Variants in CA10 observed in about 807,000 individuals in gnomAD.
CA10 encodes the protein carbonic anhydrase 10 (inactive).
In CA10, 14 loss-of-function variants were observed where a neutral mutation model predicts 44.2. That is an observed-to-expected ratio of 0.32 (90% CI 0.21 to 0.50). The LOEUF (loss-of-function observed/expected upper bound fraction) is 0.50. CA10 is among the 20% of genes least tolerant of loss of function. The pLI is 0.99. For synonymous variants in CA10, 159 were observed against 141.6 expected, an observed-to-expected ratio of 1.12 and a Z score of -0.87; for missense variants, 350 against 409.7, an observed-to-expected ratio of 0.85 and a Z score of 1.26.
chr17:51,893,458 G>T (rs1017229641), intron 3 of CA10, among the ~76,000 whole-genome samples: 2 of 152,168 alleles, frequency 1.3e-5, no homozygotes, highest in African/African-American at 4.8e-5. Context: ...CTTAAATACA[G>T]TGTTCAGTGT....
At chr17:52,036,934 G>A (rs1016823174) in intron 2 of CA10, among the ~76,000 whole-genome samples, 1 of 152,136 alleles carries the variant, frequency 6.6e-6, no homozygotes, top group African/African-American at 2.4e-5. Flanking sequence ...GGCGGGCAAG[G>A]CCAGAAAATG....
In CA10 at chr17:52,057,136, G is replaced by T. The variant is rs79344194; in HGVS notation, c.136+15183C>A. 2.8e-3 allele frequency among the ~76,000 whole-genome samples: 428 copies of T among 152,172 alleles called. 1 individual carries two copies. Among genetic ancestry groups the T allele is most frequent in the Non-Finnish European group, 4.5e-3 (306 of 67,994 alleles). ...TCTATGTAAAATACAGTGCATAGTA[G>T]AGAATCAGTAACAAAAACATGCAAT... is the stretch of plus-strand genomic sequence containing the variant. On this transcript the variant is annotated intron_variant, in intron 2 of 8. Coordinates refer to ENST00000451037, the MANE Select transcript of CA10 (RefSeq NM_020178.5).
intron 1 of CA10, among the ~76,000 whole-genome samples, chr17:52,074,356 G>C (rs1987762665): frequency 6.6e-6 from 1 of 152,124 alleles, no homozygotes; most frequent in African/African-American, 2.4e-5. Context: ...GATCTTAAAA[G>C]CATTGAACTA....
At chr17:51,654,502 C>A (rs577033877) in intron 4 of CA10, among the ~76,000 whole-genome samples, 86 of 152,090 alleles carry the variant, frequency 5.7e-4, no homozygotes, top group African/African-American at 2.0e-3. Context: ...CCTTAAAATT[C>A]ATCATCTCAG....
chr17:51,656,883 C>T (rs1027810546), intron 4 of CA10, among the ~76,000 whole-genome samples: 1 of 152,206 alleles, frequency 6.6e-6, no homozygotes, highest in African/African-American at 2.4e-5. Flanking sequence ...CCCTTCTCCA[C>T]TTCAATTTGG....
At chr17:51,666,582 C>T (rs1410245949) in intron 4 of CA10, among the ~76,000 whole-genome samples, 1 of 152,076 alleles carries the variant, frequency 6.6e-6, no homozygotes, top group Non-Finnish European at 1.5e-5. Context: ...TCCCCTATTC[C>T]TGCCCTTCCA....
At chr17:52,142,157 C>T (rs1039154444) in intron 1 of CA10, among the ~76,000 whole-genome samples, 3 of 152,202 alleles carry the variant, frequency 2.0e-5, no homozygotes, top group Non-Finnish European at 4.4e-5. Flanking sequence ...GGTGCCTTCA[C>T]AGAATCCTGA....
chr17:51,779,307 A>G (rs1472980201), intron 3 of CA10, among the ~76,000 whole-genome samples: 5 of 152,160 alleles, frequency 3.3e-5, no homozygotes, highest in African/African-American at 4.8e-5. Flanking sequence ...GCAGATGAAT[A>G]GTGAATACTT....
intron 1 of CA10, among the ~76,000 whole-genome samples, chr17:52,127,049 C>T (rs1269707390): frequency 1.3e-5 from 2 of 152,134 alleles, no homozygotes; most frequent in Non-Finnish European, 2.9e-5. Flanking sequence ...ATAATTCAGA[C>T]AGTAATTAAA....
chr17:51,664,352 A>G (rs1023560781), intron 4 of CA10, among the ~76,000 whole-genome samples: 3 of 152,164 alleles, frequency 2.0e-5, no homozygotes, highest in Non-Finnish European at 4.4e-5. Context: ...AAAATAATTT[A>G]TTACAATCAA....
At chr17:51,788,796 T>C (rs1906396064) in intron 3 of CA10, among the ~76,000 whole-genome samples, 1 of 152,190 alleles carries the variant, frequency 6.6e-6, no homozygotes, top group Non-Finnish European at 1.5e-5. Context: ...CACAGAATTA[T>C]CTGTGATTCT....
At chr17:51,691,705 C>T (rs1032824395) in intron 4 of CA10, among the ~76,000 whole-genome samples, 7 of 152,286 alleles carry the variant, frequency 4.6e-5, no homozygotes, top group Admixed American at 6.5e-5. Flanking sequence ...TCAGGTCTTA[C>T]ATTTAAGTCT....
intron 3 of CA10, among the ~76,000 whole-genome samples, chr17:51,815,523 A>G (rs1598059013): frequency 6.6e-6 from 1 of 152,142 alleles, no homozygotes; most frequent in East Asian, 1.9e-4. Flanking sequence ...GGATTGGTAG[A>G]GTCCTGTCAC....
chr17:52,028,757 T>C (rs1986375775), intron 2 of CA10, among the ~76,000 whole-genome samples: 1 of 152,206 alleles, frequency 6.6e-6, no homozygotes, highest in Admixed American at 6.5e-5. Flanking sequence ...ATCATCTTGA[T>C]TTAGACATAC....
At chr17:51,791,118 T>C (rs893812065) in intron 3 of CA10, among the ~76,000 whole-genome samples, 11 of 152,292 alleles carry the variant, frequency 7.2e-5, no homozygotes, top group South Asian at 4.1e-4. Context: ...ATAAGTGAGT[T>C]TATGTAAGTA....
chr17:52,058,476 A>G (rs1226170522), intron 2 of CA10, among the ~76,000 whole-genome samples: 1 of 152,154 alleles, frequency 6.6e-6, no homozygotes, highest in Non-Finnish European at 1.5e-5. Flanking sequence ...TGGTTGGAAC[A>G]CAATGGAGTG....
At chr17:51,845,157 G>A (rs955008946) in intron 3 of CA10, among the ~76,000 whole-genome samples, 6 of 152,164 alleles carry the variant, frequency 3.9e-5, no homozygotes, top group African/African-American at 1.4e-4. Flanking sequence ...GATTTTGAAT[G>A]TTTCACCTCC....
At chr17:51,772,787 A>T (rs116586382) in intron 3 of CA10, among the ~76,000 whole-genome samples, 216 of 152,360 alleles carry the variant, frequency 1.4e-3, no homozygotes, top group African/African-American at 5.1e-3. Context: ...ACTCAAGTTC[A>T]AGTACCTTGT....
intron 1 of CA10, among the ~76,000 whole-genome samples, chr17:52,125,854 T>G (rs745769450): frequency 4.6e-5 from 7 of 152,098 alleles, no homozygotes; most frequent in Non-Finnish European, 8.8e-5. Context: ...TGAGGGTGAC[T>G]GATGCTATTG....
Sources: gnomAD v4.1 joint callset for allele counts (sites outside exome capture counted in the v4.1 genomes callset) on GRCh38, gnomAD v4.1.1 for gene constraint, MANE v1.5 for transcripts, NCBI Gene and HGNC (gene_info 2026-07-23, HGNC 2026-07-21) for gene names.